Variants in WDFY2 observed in about 807,000 individuals in gnomAD.
WDFY2 encodes the protein WD repeat and FYVE domain-containing protein 2.
In WDFY2, 36 loss-of-function variants were observed where a neutral mutation model predicts 56.4. The observed-to-expected ratio is 0.64, with a 90% CI of 0.49 to 0.84. The LOEUF is 0.84. Among genes scored for constraint, WDFY2 ranks in the 40% least tolerant of loss-of-function variants. The probability of loss-of-function intolerance (pLI) is 0.00; values close to 1 mark genes in which losing one functional copy is unlikely to be tolerated. For synonymous variants in WDFY2, 176 were observed against 183.7 expected, an observed-to-expected ratio of 0.96 and a Z score of 0.34; for missense variants, 444 against 512.2, an observed-to-expected ratio of 0.87 and a Z score of 1.29.
intron 1 of WDFY2, among the ~76,000 whole-genome samples, chr13:51,598,168 CG>C (rs1954189433): frequency 6.6e-6 from 1 of 151,672 alleles, no homozygotes; most frequent in Admixed American, 6.6e-5. Flanking sequence ...GAGACCAGCC[CG>C]GCCAACATGG....
intron 5 of WDFY2, among the ~76,000 whole-genome samples, chr13:51,724,075 T>C (rs192111645): frequency 2.6e-5 from 4 of 152,194 alleles, no homozygotes; most frequent in Non-Finnish European, 4.4e-5. Flanking sequence ...TTTTTCTTTT[T>C]GAGCACTATT....
At chr13:51,748,722 A>G (rs1049887423) in intron 7 of WDFY2, among the ~76,000 whole-genome samples, 6 of 152,186 alleles carry the variant, frequency 3.9e-5, no homozygotes. Context: ...CAGATTCCAC[A>G]GAAGGTAAAG....
At chr13:51,686,273 A>T (rs951672474) in intron 3 of WDFY2, among the ~76,000 whole-genome samples, 3 of 152,086 alleles carry the variant, frequency 2.0e-5, no homozygotes, top group African/African-American at 7.2e-5. Flanking sequence ...ATTGAGGGTG[A>T]TCTGTGCCTC....
At position 51,759,929 on chromosome 13, in the gene WDFY2, C is replaced by T; in HGVS notation, c.*160C>T. ...ACCCATGTGCACAGTGGGGACCTGG[C>T]CAGTGAGCACTCGCAAGGGGACTCT... is the stretch of plus-strand genomic sequence containing the variant. On this transcript the variant is annotated 3_prime_UTR_variant, in exon 12 of 12. Transcript: ENST00000298125. 1.5e-6 allele frequency: 1 copy of T among 658,734 alleles called. No homozygotes were observed. Among genetic ancestry groups the T allele is most frequent in the Non-Finnish European group, 2.6e-6 (1 of 385,046 alleles). 40.8% of individuals were successfully genotyped at this position (658,734 alleles called of 1,614,324 possible). A position where few individuals can be genotyped will look rare whatever the true frequency, so the allele number is the denominator to read the frequency against.
intron 1 of WDFY2, among the ~76,000 whole-genome samples, chr13:51,638,129 G>C (rs1424283885): frequency 6.6e-6 from 1 of 152,156 alleles, no homozygotes; most frequent in Admixed American, 6.5e-5. Context: ...AACAGACAGA[G>C]GTCAGATCCT....
chr13:51,682,503 T>A (rs181617234), intron 3 of WDFY2, among the ~76,000 whole-genome samples: 29 of 152,294 alleles, frequency 1.9e-4, no homozygotes, highest in Admixed American at 3.9e-4. Flanking sequence ...AGTAAATGAA[T>A]GAATATAGTT....
chr13:51,627,280 G>A (rs553059298), intron 1 of WDFY2, among the ~76,000 whole-genome samples: 3 of 152,346 alleles, frequency 2.0e-5, no homozygotes, highest in African/African-American at 7.2e-5. Flanking sequence ...TGTCAGTGTG[G>A]TGAGCGGGAA....
intron 3 of WDFY2, among the ~76,000 whole-genome samples, chr13:51,680,895 C>T (rs893097590): frequency 2.0e-5 from 3 of 152,090 alleles, no homozygotes; most frequent in African/African-American, 7.2e-5. Flanking sequence ...AGTAGGACAG[C>T]CCAGCTGCAA....
intron 1 of WDFY2, among the ~76,000 whole-genome samples, chr13:51,629,150 A>G (rs1474831957): frequency 2.0e-5 from 3 of 152,226 alleles, no homozygotes; most frequent in African/African-American, 7.2e-5. Flanking sequence ...AAGTCTCTCA[A>G]GCTGTTCTCT....
chr13:51,741,947 T>C (rs1952985015), intron 7 of WDFY2, among the ~76,000 whole-genome samples: 2 of 152,164 alleles, frequency 1.3e-5, no homozygotes, highest in African/African-American at 4.8e-5. Flanking sequence ...TGGTGATGTG[T>C]GCTGATGCTT....
At chr13:51,610,977 G>A (rs746227559) in intron 1 of WDFY2, among the ~76,000 whole-genome samples, 2 of 152,128 alleles carry the variant, frequency 1.3e-5, no homozygotes, top group Non-Finnish European at 2.9e-5. Context: ...TTATTTTTGG[G>A]TGGTATGGGG....
intron 1 of WDFY2, among the ~76,000 whole-genome samples, chr13:51,605,363 G>C (rs1033458080): frequency 2.0e-5 from 3 of 152,164 alleles, no homozygotes; most frequent in African/African-American, 7.2e-5. Flanking sequence ...TACAAAATGA[G>C]GATAGAAATA....
At chr13:51,587,896 G>A (rs1200102632) in intron 1 of WDFY2, 1 of 152,122 alleles carries the variant, frequency 6.6e-6, no homozygotes, top group Non-Finnish European at 1.5e-5. Context: ...AAATCTTCAA[G>A]CCCAAGAGTG....
intron 1 of WDFY2, among the ~76,000 whole-genome samples, chr13:51,647,473 G>T (rs1955283591): frequency 6.6e-6 from 1 of 152,188 alleles, no homozygotes; most frequent in South Asian, 2.1e-4. Context: ...ATCTTAGGGG[G>T]ACTAGGTTCA....
intron 1 of WDFY2, among the ~76,000 whole-genome samples, chr13:51,614,663 C>T (rs770553954): frequency 3.9e-5 from 6 of 152,184 alleles, no homozygotes; most frequent in Non-Finnish European, 8.8e-5. Context: ...AAAGAGCTTC[C>T]TGGAAGCTCA....
intron 1 of WDFY2, among the ~76,000 whole-genome samples, chr13:51,639,607 A>G (rs570078525): frequency 6.6e-6 from 1 of 152,278 alleles, no homozygotes; most frequent in Admixed American, 6.5e-5. Flanking sequence ...TTATTTTTTA[A>G]TATAGGCTGG....
At chr13:51,750,537 C>CAAAAAAAAAA (rs61355886) in intron 7 of WDFY2, among the ~76,000 whole-genome samples, 1 of 139,322 alleles carries the variant, frequency 7.2e-6, no homozygotes. Flanking sequence ...GACGAACATA[C>CAAAAAAAAAA]AAAAAAAAAA....
At chr13:51,637,780 C>T (rs1955080438) in intron 1 of WDFY2, among the ~76,000 whole-genome samples, 1 of 152,156 alleles carries the variant, frequency 6.6e-6, no homozygotes. Flanking sequence ...ATGTGCTCTG[C>T]TACAAGGGTT....
chr13:51,586,231 GT>G, intron 1 of WDFY2: 1 of 393,912 alleles, frequency 2.5e-6, no homozygotes, highest in East Asian at 3.6e-5. Flanking sequence ...GCACAGTATT[GT>G]TTTTATGGGA....
Sources: allele counts gnomAD v4.1 joint callset (sites outside exome capture counted in the v4.1 genomes callset), GRCh38; gene constraint gnomAD v4.1.1; transcripts MANE v1.5; gene names NCBI Gene and HGNC (gene_info 2026-07-23, HGNC 2026-07-21).